SCLT1: variants seen among roughly 807,000 people sequenced by gnomAD.
SCLT1 encodes the protein sodium channel-associated protein 1.
A neutral mutation model predicts 112.8 loss-of-function variants in SCLT1; 78 were observed. That is an observed-to-expected ratio of 0.69 (90% CI 0.58 to 0.83). The LOEUF is 0.83. SCLT1 is among the 40% of genes least tolerant of loss of function. SCLT1 has a pLI of 0.00. For synonymous variants in SCLT1, 257 were observed against 254.7 expected, an observed-to-expected ratio of 1.01 and a Z score of -0.09; for missense variants, 747 against 770.4, an observed-to-expected ratio of 0.97 and a Z score of 0.36.
chr4:128,988,486 C>CA (rs1405580340), intron 9 of SCLT1, among the ~76,000 whole-genome samples: 1 of 151,212 alleles, frequency 6.6e-6, no homozygotes, highest in African/African-American at 2.4e-5. Context: ...ATAATAGATA[C>CA]AAAAAAACCT....
chr4:129,025,757 A>G (rs1299425564), intron 5 of SCLT1, among the ~76,000 whole-genome samples: 2 of 152,120 alleles, frequency 1.3e-5, no homozygotes, highest in African/African-American at 4.8e-5. Context: ...AGACAGGCAA[A>G]TTGGATAAAG....
intron 1 of SCLT1, among the ~76,000 whole-genome samples, chr4:129,091,417 T>G (rs192970638): frequency 6.6e-6 from 1 of 152,126 alleles, no homozygotes; most frequent in African/African-American, 2.4e-5. Flanking sequence ...TCTTATTTGT[T>G]TTCCCCTGGT....
At chr4:128,960,383 C>T (rs1739583803) in intron 11 of SCLT1, among the ~76,000 whole-genome samples, 1 of 152,066 alleles carries the variant, frequency 6.6e-6, no homozygotes, top group South Asian at 2.1e-4. Context: ...AGTATACACC[C>T]TTTTCTGTAC....
At chr4:128,922,869 A>G (rs1735988029) in intron 18 of SCLT1, among the ~76,000 whole-genome samples, 2 of 152,212 alleles carry the variant, frequency 1.3e-5, no homozygotes, top group African/African-American at 4.8e-5. Context: ...GATAATTTGT[A>G]AAATAACAGA....
At chr4:129,054,815 A>C (rs968627380) in intron 2 of SCLT1, among the ~76,000 whole-genome samples, 6 of 152,122 alleles carry the variant, frequency 3.9e-5, no homozygotes, top group Non-Finnish European at 4.4e-5. Flanking sequence ...AGTTGTGATT[A>C]TGTGGTGAAG....
intron 2 of SCLT1, among the ~76,000 whole-genome samples, chr4:129,053,088 A>C (rs927738115): frequency 1.2e-4 from 19 of 152,252 alleles, no homozygotes; most frequent in African/African-American, 4.3e-4. Flanking sequence ...CTGTGTTCTG[A>C]GAGACTGTTT....
At chr4:129,027,311 T>A (rs1465842996) in intron 5 of SCLT1, among the ~76,000 whole-genome samples, 1 of 152,164 alleles carries the variant, frequency 6.6e-6, no homozygotes, top group Non-Finnish European at 1.5e-5. Context: ...AATAAAATAC[T>A]GGCAAACCGA....
Position 128,959,699 on chromosome 4 carries a change from T to C in SCLT1, c.948A>G (p.Gln316=). 1.2e-6 allele frequency: 2 copies of C among 1,613,636 alleles called. No homozygotes were observed. Among genetic ancestry groups the C allele is most frequent in the Non-Finnish European group, 1.7e-6 (2 of 1,179,670 alleles). ...CATTTTCTAATTCATTGCACTTTGC[T>C]TGTAGCTCTCTGGTCTGTTTTTCCA... The part of the protein sequence containing the change: ...THLEKQTREL[Q]AKCNELENER... Residue 316 remains glutamine (Q), a synonymous_variant, in exon 12 of 21, where the codon CAA becomes CAG. Transcript: ENST00000281142.
chr4:128,877,453 G>GA (rs1428167303), intron 3 of SCLT1, among the ~76,000 whole-genome samples: 1 of 152,086 alleles, frequency 6.6e-6, no homozygotes. Context: ...AGGTGGAGGT[G>GA]GGCAGATCAC....
chr4:129,062,870 C>A (rs1034257754), intron 2 of SCLT1, among the ~76,000 whole-genome samples: 20 of 152,164 alleles, frequency 1.3e-4, no homozygotes, highest in African/African-American at 4.8e-4. Flanking sequence ...GTAAAGTCAT[C>A]TTTGGGTGAA....
intron 2 of SCLT1, among the ~76,000 whole-genome samples, chr4:129,054,598 G>C (rs1283645373): frequency 6.6e-6 from 1 of 151,940 alleles, no homozygotes; most frequent in Non-Finnish European, 1.5e-5. Flanking sequence ...TTTCAGCTCT[G>C]TCAGGTCATT....
At chr4:128,938,812 T>C (rs190923984) in intron 17 of SCLT1, among the ~76,000 whole-genome samples, 7 of 152,138 alleles carry the variant, frequency 4.6e-5, no homozygotes, top group East Asian at 3.9e-4. Context: ...TGAAACTCCA[T>C]CTCTACTAAA....
At chr4:128,945,941 C>T (rs1477942056) in intron 16 of SCLT1, 66 bp downstream of exon 16, 13 of 1,119,394 alleles carry the variant, frequency 1.2e-5, no homozygotes, top group East Asian at 2.5e-5. Context: ...GAAAAGGTAG[C>T]GAATCTGTCA....
chr4:129,014,338 C>A (rs1333252774), intron 5 of SCLT1, among the ~76,000 whole-genome samples: 1 of 152,056 alleles, frequency 6.6e-6, no homozygotes, highest in Non-Finnish European at 1.5e-5. Context: ...CAGTTCTGAA[C>A]CCTTTCTGTA....
At position 129,003,738 on chromosome 4, in the gene SCLT1, CACTT is replaced by C; in HGVS notation, c.425_426+2del. On this transcript the variant is annotated splice_donor_variant and coding_sequence_variant, in exon 6 of 21. Coordinates refer to ENST00000281142, the MANE Select transcript of SCLT1 (RefSeq NM_144643.4). LOFTEE classifies it high-confidence loss of function. ...ATAATTTTTAAAAATACATGTCACT[CACTT>C]GATTGGCTAGCTGCAATTGTTCTTG... 1 of 1,595,506 alleles carries C rather than the reference CACTT, an allele frequency of 6.3e-7. No homozygotes were observed. The highest frequency in any genetic ancestry group is 8.5e-7 in the Non-Finnish European group (1 of 1,172,904).
intron 18 of SCLT1, among the ~76,000 whole-genome samples, chr4:128,924,812 C>T (rs1736164295): frequency 6.6e-6 from 1 of 152,134 alleles, no homozygotes; most frequent in Non-Finnish European, 1.5e-5. Flanking sequence ...CTTATGAAGT[C>T]TCACCTATGT....
chr4:129,050,263 T>G (rs1461705138), intron 2 of SCLT1, among the ~76,000 whole-genome samples: 4 of 152,228 alleles, frequency 2.6e-5, no homozygotes. Flanking sequence ...GTAATTGGAT[T>G]GCTGGGTCAA....
At chr4:129,006,792 T>C (rs990695362) in intron 5 of SCLT1, among the ~76,000 whole-genome samples, 4 of 152,172 alleles carry the variant, frequency 2.6e-5, no homozygotes, top group African/African-American at 9.7e-5. Flanking sequence ...CGAGGTGTTA[T>C]ATGATTTTGG....
At position 129,040,579 on chromosome 4, in the gene SCLT1, T is replaced by C. The variant is rs1163901459; in HGVS notation, c.235-1483A>G. Among the ~76,000 whole-genome samples, 4 of 152,188 alleles carry C rather than the reference T, an allele frequency of 2.6e-5. No individual in the cohort carries two copies. In the East Asian group the frequency reaches 7.7e-4, roughly 29 times the overall value. On this transcript the variant is annotated intron_variant, in intron 4 of 20. Coordinates refer to ENST00000281142, the MANE Select transcript of SCLT1 (RefSeq NM_144643.4). ...ACTAGCTAAGACTAAAGATGGATTG[T>C]AACGCTCTCACTATAAATTCCTTAC... is the stretch of plus-strand genomic sequence containing the variant.
Sources: allele counts gnomAD v4.1 joint callset (sites outside exome capture counted in the v4.1 genomes callset), GRCh38; gene constraint gnomAD v4.1.1; transcripts MANE v1.5; gene names NCBI Gene and HGNC (gene_info 2026-07-23, HGNC 2026-07-21).